PDE10A: variants seen among roughly 807,000 people sequenced by gnomAD.
PDE10A encodes phosphodiesterase 10A.
PDE10A carries 39 observed loss-of-function variants against 97.7 expected under a neutral mutation model. The ratio of observed to expected loss-of-function variants is 0.40; its 90% CI spans 0.31 to 0.52. PDE10A has a LOEUF of 0.52. PDE10A is among the 20% of genes least tolerant of loss of function. The probability of loss-of-function intolerance (pLI) is 0.56; values close to 1 mark genes in which losing one functional copy is unlikely to be tolerated. For missense variants in PDE10A, 731 were observed against 1,047.8 expected (o/e 0.70, Z 4.17); for synonymous variants, 371 against 376.8 (o/e 0.98, Z 0.18).
intron 1 of PDE10A, among the ~76,000 whole-genome samples, chr6:165,808,411 G>A (rs1380444260): frequency 1.3e-5 from 2 of 152,212 alleles, no homozygotes; most frequent in Non-Finnish European, 2.9e-5. Flanking sequence ...CGCAGGAGGA[G>A]TGGTGGCCAG....
At chr6:165,514,758 G>A (rs1369015205) in intron 2 of PDE10A, among the ~76,000 whole-genome samples, 1 of 152,230 alleles carries the variant, frequency 6.6e-6, no homozygotes, top group Non-Finnish European at 1.5e-5. Context: ...AACTACTAGA[G>A]TCAGGGGGTA....
At chr6:165,585,896 C>T (rs1257396424) in intron 1 of PDE10A, among the ~76,000 whole-genome samples, 1 of 152,154 alleles carries the variant, frequency 6.6e-6, no homozygotes, top group Non-Finnish European at 1.5e-5. Context: ...CCAACATCCC[C>T]CCCTTGCGCT....
At chr6:165,414,271 G>A (rs1468959826) in intron 12 of PDE10A, among the ~76,000 whole-genome samples, 1 of 152,150 alleles carries the variant, frequency 6.6e-6, no homozygotes, top group Admixed American at 6.5e-5. Context: ...CTTGTGACAA[G>A]GACATTAGTG....
At chr6:165,895,283 TAAG>T (rs2128483104) in intron 1 of PDE10A, among the ~76,000 whole-genome samples, 1 of 152,212 alleles carries the variant, frequency 6.6e-6, no homozygotes, top group East Asian at 1.9e-4. Flanking sequence ...GGTGTCCTTA[TAAG>T]AAGAGGAGAC....
chr6:165,730,687 A>G (rs1411746928), intron 1 of PDE10A, among the ~76,000 whole-genome samples: 2 of 149,034 alleles, frequency 1.3e-5, no homozygotes, highest in Non-Finnish European at 3.0e-5. Flanking sequence ...TGGGAGGTGG[A>G]GATTCCAGTG....
intron 1 of PDE10A, among the ~76,000 whole-genome samples, chr6:165,906,654 G>A (rs754521178): frequency 7.9e-5 from 12 of 152,198 alleles, no homozygotes; most frequent in Non-Finnish European, 1.6e-4. Flanking sequence ...TCCTCTGGCA[G>A]GTGCCAGAGA....
At chr6:165,855,861 C>T (rs1158337774) in intron 1 of PDE10A, among the ~76,000 whole-genome samples, 2 of 152,118 alleles carry the variant, frequency 1.3e-5, no homozygotes, top group South Asian at 2.1e-4. Context: ...GAGGAAACGT[C>T]GGAAGTGTCA....
At chr6:165,845,606 CG>C (rs1021764380) in intron 1 of PDE10A, among the ~76,000 whole-genome samples, 2 of 152,198 alleles carry the variant, frequency 1.3e-5, no homozygotes, top group African/African-American at 4.8e-5. Flanking sequence ...GAAACAGCTA[CG>C]GTCAGGCCAA....
intron 1 of PDE10A, among the ~76,000 whole-genome samples, chr6:165,965,179 G>A (rs1291913379): frequency 6.6e-6 from 1 of 152,190 alleles, no homozygotes; most frequent in Non-Finnish European, 1.5e-5. Flanking sequence ...GAGATGGTGA[G>A]GACTGGAATT....
chr6:165,957,074 T>C (rs1784155765), intron 1 of PDE10A, among the ~76,000 whole-genome samples: 1 of 152,168 alleles, frequency 6.6e-6, no homozygotes, highest in African/African-American at 2.4e-5. Context: ...TGGCTACTAG[T>C]GCAGGAGACC....
At chr6:165,504,319 T>C (rs1272266776) in intron 2 of PDE10A, among the ~76,000 whole-genome samples, 1 of 152,196 alleles carries the variant, frequency 6.6e-6, no homozygotes, top group Non-Finnish European at 1.5e-5. Context: ...TACTATGATG[T>C]CTTTTATTAA....
At chr6:165,884,055 C>G (rs1204127810) in intron 1 of PDE10A, among the ~76,000 whole-genome samples, 1 of 152,110 alleles carries the variant, frequency 6.6e-6, no homozygotes, top group African/African-American at 2.4e-5. Flanking sequence ...GATGTCAAAG[C>G]AGGTGGAGGA....
intron 1 of PDE10A, among the ~76,000 whole-genome samples, chr6:165,950,246 C>T (rs1783911153): frequency 1.3e-5 from 2 of 152,172 alleles, no homozygotes; most frequent in Admixed American, 1.3e-4. Flanking sequence ...TTTATCCTTC[C>T]AGCATACACA....
chr6:165,482,240 T>TA lies in PDE10A; in HGVS notation c.1023+74dup, dbSNP rs542134252. The TA allele has an allele frequency of 2.7e-5, 26 of 974,546 alleles. No individual in the cohort carries two copies. The African/African-American group carries it at 3.4e-4, about 13-fold the overall frequency. The allele number at this position is 974,546 out of a possible 1,614,324, so 60.4% of individuals were successfully genotyped here. A position where few individuals can be genotyped will look rare whatever the true frequency, so the allele number is the denominator to read the frequency against. ...TAATCTTTCTGATACTTTAATGTGT[T>TA]AGAGTACTGAGAGATAAACAAAACA... is the stretch of plus-strand genomic sequence containing the variant. On this transcript the variant is annotated intron_variant, in intron 3 of 21. Coordinates refer to ENST00000539869, the MANE Select transcript of PDE10A (RefSeq NM_001385079.1).
intron 9 of PDE10A, among the ~76,000 whole-genome samples, chr6:165,429,503 G>A (rs1789402775): frequency 6.6e-6 from 1 of 151,946 alleles, no homozygotes; most frequent in Admixed American, 6.6e-5. Context: ...ACTAATTAAT[G>A]AGCATCAAGA....
At chr6:165,760,454 G>A (rs559599139) in intron 1 of PDE10A, among the ~76,000 whole-genome samples, 4 of 152,146 alleles carry the variant, frequency 2.6e-5, no homozygotes, top group African/African-American at 7.2e-5. Flanking sequence ...AAGCTAATAC[G>A]CTTAGTTTAC....
chr6:165,787,377 A>G (rs540720878), intron 1 of PDE10A, among the ~76,000 whole-genome samples: 2 of 152,332 alleles, frequency 1.3e-5, no homozygotes, highest in African/African-American at 4.8e-5. Context: ...AGCCCGGGTG[A>G]GGGCCCGTCC....
At position 165,470,863 on chromosome 6, in the gene PDE10A, C is replaced by A. The variant is rs536745919; in HGVS notation, c.1023+11452G>T. On this transcript the variant is annotated intron_variant, in intron 3 of 21. Transcript: ENST00000539869. ...TTCTCTCTCTACTGAATCACTTCCA[C>A]AAATATATAAACATGCTGTCATTTA... Among the ~76,000 whole-genome samples the A allele has an allele frequency of 5.9e-5, 9 of 152,238 alleles. No individual in the cohort carries two copies. The East Asian group carries it at 1.7e-3, about 29-fold the overall frequency.
chr6:165,370,194 C>T (rs1370916613), intron 18 of PDE10A, among the ~76,000 whole-genome samples: 1 of 151,252 alleles, frequency 6.6e-6, no homozygotes, highest in Non-Finnish European at 1.5e-5. Context: ...AACCAGCCAA[C>T]ATCATAATGA....
Sources: gnomAD v4.1 joint callset for allele counts (sites outside exome capture counted in the v4.1 genomes callset) on GRCh38, gnomAD v4.1.1 for gene constraint, MANE v1.5 for transcripts, NCBI Gene and HGNC (gene_info 2026-07-23, HGNC 2026-07-21) for gene names.